The following C21orf58 variants were observed in gnomAD, a reference collection of about 807,000 sequenced individuals.
C21orf58 encodes the protein uncharacterized protein C21orf58.
Under a neutral mutation model 35.8 loss-of-function variants are expected in C21orf58, and 34 were observed. That is an observed-to-expected ratio of 0.95 (90% CI 0.72 to 1.26). The LOEUF is 1.26. Ranked by LOEUF, C21orf58 falls within the 50% of genes most tolerant of loss-of-function variation. The probability of loss-of-function intolerance (pLI) is 0.00; values close to 1 mark genes in which losing one functional copy is unlikely to be tolerated. For synonymous variants in C21orf58, 191 were observed against 175.8 expected (o/e 1.09, Z -0.68); for missense variants, 440 against 414.3 (o/e 1.06, Z -0.54).
At chr21:46,304,929 A>G (rs953834096) in intron 6 of C21orf58, among the ~76,000 whole-genome samples, 5 of 152,250 alleles carry the variant, frequency 3.3e-5, no homozygotes, top group Admixed American at 2.6e-4. Context: ...AGGACATCAC[A>G]CTAAGCGAAA....
chr21:46,318,449 C>A, intron 1 of C21orf58: 1 of 1,414,028 alleles, frequency 7.1e-7, no homozygotes, highest in Non-Finnish European at 9.2e-7. Flanking sequence ...GCAGCTGAGG[C>A]AGAGGGGCAG....
At chr21:46,303,857 T>C (rs1412140988) in intron 6 of C21orf58, among the ~76,000 whole-genome samples, 2 of 144,976 alleles carry the variant, frequency 1.4e-5, no homozygotes, top group East Asian at 2.1e-4. Context: ...GTTCACGCCA[T>C]TCTCCTGCCT....
chr21:46,309,198 C>T (rs1020748055), intron 6 of C21orf58, among the ~76,000 whole-genome samples: 4 of 152,114 alleles, frequency 2.6e-5, no homozygotes, highest in Admixed American at 6.6e-5. Context: ...TGGTGGCTCA[C>T]GCCTGTAATC....
At chr21:46,311,720 C>A (rs1012036550) in intron 5 of C21orf58, 153 bp from the exon 6 acceptor site, 1 of 472,512 alleles carries the variant, frequency 2.1e-6, no homozygotes, top group Non-Finnish European at 3.9e-6. Flanking sequence ...ACCAACCATC[C>A]ACCCATCCAT....
At chr21:46,312,038 C>CCCAA (rs962110261) in intron 5 of C21orf58, among the ~76,000 whole-genome samples, 6,586 of 128,046 alleles carry the variant, frequency 0.051, 216 homozygotes, top group Middle Eastern at 0.12. Flanking sequence ...CATCCACCTA[C>CCCAA]CCAACCAACC....
intron 1 of C21orf58, among the ~76,000 whole-genome samples, chr21:46,322,030 T>C (rs2083178028): frequency 1.3e-5 from 2 of 151,666 alleles, no homozygotes; most frequent in South Asian, 4.2e-4. Flanking sequence ...TGCTCATGCC[T>C]GTAACTCCAG....
Position 46,322,987 on chromosome 21 carries a change from C to T in C21orf58, c.-249G>A. 2.9e-6 allele frequency: 1 copy of T among 347,760 alleles called. No individual in the cohort carries two copies. The highest frequency in any genetic ancestry group is 5.2e-6 in the Non-Finnish European group (1 of 192,914). 21.5% of individuals were successfully genotyped at this position (347,760 alleles called of 1,614,324 possible). A position where few individuals can be genotyped will look rare whatever the true frequency, so the allele number is the denominator to read the frequency against. On this transcript the variant is annotated 5_prime_UTR_variant, in exon 1 of 8. Coordinates refer to ENST00000291691, the MANE Select transcript of C21orf58 (RefSeq NM_058180.5). ...GCGCACGAACAGGCCCGGAGGACTA[C>T]AAAGAAACCCAGAAACCAGACTTGG... is the stretch of plus-strand genomic sequence containing the variant.
At chr21:46,302,888 C>T (rs1196320654) in intron 6 of C21orf58, among the ~76,000 whole-genome samples, 1 of 88,260 alleles carries the variant, frequency 1.1e-5, no homozygotes, top group Non-Finnish European at 2.2e-5. Flanking sequence ...GCACACGGTG[C>T]GGGTCCCCGG....
intron 6 of C21orf58, among the ~76,000 whole-genome samples, chr21:46,302,984 G>A (rs1299490329): frequency 2.0e-5 from 3 of 151,362 alleles, no homozygotes; most frequent in Admixed American, 6.6e-5. Flanking sequence ...TCCCCGGGGC[G>A]CGCCCTGAGT....
chr21:46,314,131 G>GTTTTTTTTTTTTGTTT (rs140166854), intron 5 of C21orf58, among the ~76,000 whole-genome samples: 6 of 145,020 alleles, frequency 4.1e-5, no homozygotes, highest in Non-Finnish European at 7.6e-5. Context: ...GCATGATAAA[G>GTTTTTTTTTTTTGTTT]TTTTTTTTTT....
chr21:46,300,503 T>G, downstream of C21orf58: 1 of 301,976 alleles, frequency 3.3e-6, no homozygotes, highest in South Asian at 6.3e-5. Flanking sequence ...GGAAATGGAG[T>G]CTGAGCTTTG....
At position 46,301,428 on chromosome 21, in the gene C21orf58, T is replaced by G. The variant is rs1907749756; in HGVS notation, c.*571A>C. ...TCTTAAAGTGCTGGGATTACAGGCA[T>G]GAGCCATGCACCCCTACTTCTTTAG... is the stretch of plus-strand genomic sequence containing the variant. On this transcript the variant is annotated 3_prime_UTR_variant, in exon 8 of 8. Coordinates refer to ENST00000291691, the MANE Select transcript of C21orf58 (RefSeq NM_058180.5). 3.1e-6 allele frequency: 3 copies of G among 967,922 alleles called. No homozygotes were observed. Among genetic ancestry groups the G allele is most frequent in the Non-Finnish European group, 3.7e-6 (3 of 813,978 alleles). 60.0% of individuals were successfully genotyped at this position (967,922 alleles called of 1,614,324 possible).
intron 6 of C21orf58, among the ~76,000 whole-genome samples, chr21:46,309,281 T>A (rs1270821459): frequency 1.3e-5 from 2 of 151,832 alleles, no homozygotes; most frequent in African/African-American, 4.8e-5. Context: ...GTCAACATGG[T>A]GAAACCCCGT....
At chr21:46,305,435 T>TC (rs2082370856) in intron 6 of C21orf58, among the ~76,000 whole-genome samples, 2 of 149,390 alleles carry the variant, frequency 1.3e-5, no homozygotes. Context: ...GCTCAAGGGA[T>TC]CCCCCCATCT....
At chr21:46,315,202 G>C in intron 4 of C21orf58, 1 of 614,514 alleles carries the variant, frequency 1.6e-6, no homozygotes, top group Non-Finnish European at 2.8e-6. Flanking sequence ...TCTGCCACTC[G>C]GATGCATCTT....
At chr21:46,311,752 C>A in intron 5 of C21orf58, 185 bp from the exon 6 acceptor site, 1 of 418,946 alleles carries the variant, frequency 2.4e-6, no homozygotes, top group East Asian at 3.6e-5. Context: ...TCCACCCACT[C>A]ATCCATCCAC....
At chr21:46,320,902 C>T (rs1208424929) in intron 1 of C21orf58, 1 of 152,188 alleles carries the variant, frequency 6.6e-6, no homozygotes, top group Admixed American at 6.5e-5. Flanking sequence ...TACTGACTGA[C>T]TTAAGGAGAG....
Position 46,322,863 on chromosome 21 carries a change from T to C in C21orf58, c.-125A>G. 1 of 620,830 alleles carries C rather than the reference T, an allele frequency of 1.6e-6. No individual in the cohort carries two copies. The highest frequency in any genetic ancestry group is 3.3e-5 in the East Asian group (1 of 30,608). 38.5% of individuals were successfully genotyped at this position (620,830 alleles called of 1,614,324 possible). ...TTGCTGAGGAGGCTGCAAGGTGAGC[T>C]TGCGTCAGCGAGGAGCCACTCCAGC... On this transcript the variant is annotated 5_prime_UTR_variant, in exon 1 of 8. Transcript: ENST00000291691.
chr21:46,312,810 C>T (rs1217073887), intron 5 of C21orf58, among the ~76,000 whole-genome samples: 2 of 152,216 alleles, frequency 1.3e-5, no homozygotes, highest in Non-Finnish European at 2.9e-5. Context: ...TCCCAACAGG[C>T]GTTCTCAATT....
Sources: gnomAD v4.1 joint callset for allele counts (sites outside exome capture counted in the v4.1 genomes callset) on GRCh38, gnomAD v4.1.1 for gene constraint, MANE v1.5 for transcripts, NCBI Gene and HGNC (gene_info 2026-07-23, HGNC 2026-07-21) for gene names.